TOPAZ1: variants seen among roughly 807,000 people sequenced by gnomAD.
TOPAZ1 encodes testis and ovary specific TOPAZ 1.
Under a neutral mutation model 172.2 loss-of-function variants are expected in TOPAZ1, and 66 were observed. The ratio of observed to expected loss-of-function variants is 0.38; its 90% CI spans 0.31 to 0.47. TOPAZ1 has a LOEUF of 0.47. Ranked by LOEUF, TOPAZ1 falls within the 20% of genes least tolerant of loss-of-function variation. The pLI is 0.99. For missense variants in TOPAZ1, 1,822 were observed against 1,972.4 expected, an observed-to-expected ratio of 0.92 and a Z score of 1.44; for synonymous variants, 681 against 683.9, an observed-to-expected ratio of 1.00 and a Z score of 0.07.
At chr3:44,318,768 AT>A (rs1700478877) in intron 16 of TOPAZ1, among the ~76,000 whole-genome samples, 1 of 146,902 alleles carries the variant, frequency 6.8e-6, no homozygotes, top group Non-Finnish European at 1.5e-5. Context: ...GAAAAAAAAA[AT>A]ATATATATGT....
At position 44,285,396 on chromosome 3, in the gene TOPAZ1, G is replaced by A. The variant is rs112862092; in HGVS notation, c.3437-1993G>A. On this transcript the variant is annotated intron_variant, in intron 9 of 19. Coordinates refer to ENST00000309765, the MANE Select transcript of TOPAZ1 (RefSeq NM_001145030.2). ...TGGGAAGATCGCTCAAGCCCAGGAG[G>A]CAGAGGTTGCAGTGAGCCGAGATCA... 3.9e-3 allele frequency among the ~76,000 whole-genome samples: 596 copies of A among 152,070 alleles called. 2 individuals carry two copies. Among genetic ancestry groups the A allele is most frequent in the Middle Eastern group, 0.017 (5 of 294 alleles).
intron 8 of TOPAZ1, among the ~76,000 whole-genome samples, chr3:44,280,137 G>A (rs1265268069): frequency 6.6e-6 from 1 of 152,034 alleles, no homozygotes; most frequent in Non-Finnish European, 1.5e-5. Flanking sequence ...AAACTTTGCT[G>A]AGTATAATAT....
intron 16 of TOPAZ1, among the ~76,000 whole-genome samples, chr3:44,319,088 G>T (rs1700482014): frequency 6.6e-6 from 1 of 151,966 alleles, no homozygotes; most frequent in Admixed American, 6.6e-5. Context: ...GATATAGCTT[G>T]ACCCCTTCCC....
chr3:44,259,309 A>C (rs1399390175), intron 4 of TOPAZ1, among the ~76,000 whole-genome samples: 1 of 151,196 alleles, frequency 6.6e-6, no homozygotes, highest in African/African-American at 2.4e-5. Flanking sequence ...TATTTTATCC[A>C]GGGTTTATGG....
intron 12 of TOPAZ1, among the ~76,000 whole-genome samples, chr3:44,298,385 G>A (rs1305449951): frequency 6.6e-6 from 1 of 152,128 alleles, no homozygotes; most frequent in African/African-American, 2.4e-5. Flanking sequence ...TTGAGCCCCA[G>A]AGGTAGAGGC....
At chr3:44,309,539 G>A (rs1314153842) in intron 15 of TOPAZ1, among the ~76,000 whole-genome samples, 2 of 152,222 alleles carry the variant, frequency 1.3e-5, no homozygotes, top group Admixed American at 6.5e-5. Context: ...TTAAGGAGAA[G>A]TACAGTGTAT....
intron 16 of TOPAZ1, among the ~76,000 whole-genome samples, chr3:44,312,621 CTCTT>C (rs1314452643): frequency 6.6e-6 from 1 of 152,160 alleles, no homozygotes; most frequent in East Asian, 1.9e-4. Context: ...ACATTTCAAA[CTCTT>C]TCTCATACTA....
chr3:44,265,851 C>G (rs1699824481), intron 5 of TOPAZ1, among the ~76,000 whole-genome samples: 1 of 152,178 alleles, frequency 6.6e-6, no homozygotes, highest in African/African-American at 2.4e-5. Flanking sequence ...TATCCCTTAA[C>G]AAGAGAGAGC....
chr3:44,273,335 G>C (rs1699918208), intron 8 of TOPAZ1, among the ~76,000 whole-genome samples: 1 of 152,156 alleles, frequency 6.6e-6, no homozygotes, highest in Admixed American at 6.5e-5. Context: ...TTACATGGTG[G>C]TAAAAGGCTA....
intron 8 of TOPAZ1, among the ~76,000 whole-genome samples, chr3:44,278,140 A>G (rs1361693850): frequency 6.6e-6 from 1 of 152,148 alleles, no homozygotes; most frequent in Non-Finnish European, 1.5e-5. Flanking sequence ...AGATGATCAT[A>G]TGGTTTTTGT....
chr3:44,282,130 C>A, intron 9 of TOPAZ1, 99 bp downstream of exon 9: 1 of 763,828 alleles, frequency 1.3e-6, no homozygotes, highest in Non-Finnish European at 2.1e-6. Flanking sequence ...AAACTGAATG[C>A]CTTACCCAAG....
chr3:44,275,689 A>G (rs1472850943), intron 8 of TOPAZ1, among the ~76,000 whole-genome samples: 1 of 151,880 alleles, frequency 6.6e-6, no homozygotes, highest in Non-Finnish European at 1.5e-5. Flanking sequence ...TTAATTTACT[A>G]ATTTTTTTTT....
At position 44,242,341 on chromosome 3, in the gene TOPAZ1, C is replaced by G. The variant is rs749872956; in HGVS notation, c.288C>G (p.Asp96Glu). 9.0e-6 allele frequency: 14 copies of G among 1,552,212 alleles called. No individual in the cohort carries two copies. The highest frequency in any genetic ancestry group is 1.2e-5 in the Non-Finnish European group (14 of 1,147,132). The change falls in exon 1 of 20, where the codon GAC (aspartate) becomes GAG (glutamate). Residue 96 changes from aspartate to glutamate, a missense_variant. Physicochemically the swap from Asp to Glu is conservative, Grantham distance 45. Coordinates refer to ENST00000309765, the MANE Select transcript of TOPAZ1 (RefSeq NM_001145030.2). Reference protein sequence around the residue: ...RGPVSPSDSSDPRGLEAAKEA... With the variant: ...RGPVSPSDSSEPRGLEAAKEA... ...CGGTGAGCCCGTCAGACTCGTCAGACCCGCGAGGCCTAGAAGCAGCAAAGG... is the reference window on the plus strand; with the variant it reads ...CGGTGAGCCCGTCAGACTCGTCAGAGCCGCGAGGCCTAGAAGCAGCAAAGG...
intron 8 of TOPAZ1, among the ~76,000 whole-genome samples, chr3:44,272,022 G>C (rs760908181): frequency 2.8e-4 from 43 of 152,038 alleles, no homozygotes; most frequent in Non-Finnish European, 5.6e-4. Context: ...TCTGTACTTG[G>C]CTTATTTCAG....
chr3:44,336,659 G>C (rs1700730931), downstream of TOPAZ1, among the ~76,000 whole-genome samples: 1 of 152,192 alleles, frequency 6.6e-6, no homozygotes, highest in Admixed American at 6.5e-5. Flanking sequence ...TGTCAGGTAG[G>C]TTGGTGAGAC....
chr3:44,322,108 G>A (rs552292155), intron 17 of TOPAZ1, among the ~76,000 whole-genome samples: 2 of 152,258 alleles, frequency 1.3e-5, no homozygotes, highest in South Asian at 4.1e-4. Context: ...TAGTGTTTAG[G>A]AAAAGACTAA....
At chr3:44,288,702 C>T (rs1361606462) in intron 11 of TOPAZ1, among the ~76,000 whole-genome samples, 1 of 152,030 alleles carries the variant, frequency 6.6e-6, no homozygotes, top group African/African-American at 2.4e-5. Flanking sequence ...ACTGATAACC[C>T]GTAGAGGTTG....
At chr3:44,311,738 C>T (rs1700399686) in intron 16 of TOPAZ1, among the ~76,000 whole-genome samples, 3 of 152,214 alleles carry the variant, frequency 2.0e-5, no homozygotes. Flanking sequence ...CTATAGTGAA[C>T]AGGCCATTCC....
At chr3:44,315,107 G>A (rs1700436786) in intron 16 of TOPAZ1, among the ~76,000 whole-genome samples, 1 of 149,388 alleles carries the variant, frequency 6.7e-6, no homozygotes, top group Non-Finnish European at 1.5e-5. Context: ...TAGTTGAGGT[G>A]GATGGATGGA....
Sources: gnomAD v4.1 joint callset for allele counts (sites outside exome capture counted in the v4.1 genomes callset) on GRCh38, gnomAD v4.1.1 for gene constraint, MANE v1.5 for transcripts, NCBI Gene and HGNC (gene_info 2026-07-23, HGNC 2026-07-21) for gene names.